The following CTNNA3 variants were observed in gnomAD, a reference collection of about 807,000 sequenced individuals.
CTNNA3 encodes catenin alpha-3.
CTNNA3 carries 76 observed loss-of-function variants against 95.7 expected under a neutral mutation model. The ratio of observed to expected loss-of-function variants is 0.79; its 90% CI spans 0.66 to 0.96. The LOEUF is 0.96. Ranked by LOEUF, CTNNA3 falls within the 40% of genes least tolerant of loss-of-function variation. CTNNA3 has a pLI of 0.00. For synonymous variants in CTNNA3, 431 were observed against 374.4 expected, an observed-to-expected ratio of 1.15 and a Z score of -1.74; for missense variants, 1,191 against 1,089.8, an observed-to-expected ratio of 1.09 and a Z score of -1.31.
At chr10:66,795,947 A>G (rs558230711) in intron 7 of CTNNA3, among the ~76,000 whole-genome samples, 200 of 151,732 alleles carry the variant, frequency 1.3e-3, no homozygotes, top group South Asian at 5.6e-3. Flanking sequence ...AAAATCAGAC[A>G]GTTAGGGCCT....
intron 1 of CTNNA3, among the ~76,000 whole-genome samples, chr10:67,736,664 G>A (rs1057188661): frequency 6.6e-6 from 1 of 151,658 alleles, no homozygotes; most frequent in African/African-American, 2.4e-5. Context: ...ACCGTGTTAG[G>A]CAGGATGGTC....
chr10:67,656,801 G>T (rs1840037345), intron 1 of CTNNA3, among the ~76,000 whole-genome samples: 2 of 152,110 alleles, frequency 1.3e-5, no homozygotes, highest in Admixed American at 1.3e-4. Context: ...ACAGCAAGGA[G>T]GCCAGTGTAA....
chr10:66,863,774 C>T (rs1916378), intron 7 of CTNNA3, among the ~76,000 whole-genome samples: 49,731 of 151,822 alleles, frequency 0.33, 9,600 homozygotes, highest in Non-Finnish European at 0.46. Context: ...AATTTAGCAA[C>T]AGGGTGTCTA....
intron 7 of CTNNA3, among the ~76,000 whole-genome samples, chr10:66,975,239 G>T (rs1475313055): frequency 6.6e-6 from 1 of 152,126 alleles, no homozygotes; most frequent in Non-Finnish European, 1.5e-5. Flanking sequence ...AAAATATACA[G>T]CTCTCATATT....
intron 9 of CTNNA3, among the ~76,000 whole-genome samples, chr10:66,667,301 T>G (rs535107047): frequency 9.6e-6 from 1 of 104,654 alleles, no homozygotes; most frequent in African/African-American, 4.2e-5. Flanking sequence ...TATTTTGGAA[T>G]GTAATACATT....
At chr10:66,460,484 G>C (rs1369178673) in intron 11 of CTNNA3, among the ~76,000 whole-genome samples, 4 of 152,080 alleles carry the variant, frequency 2.6e-5, no homozygotes, top group African/African-American at 9.7e-5. Context: ...CTTGGCTATG[G>C]GTAATCTAAA....
At chr10:66,515,933 T>C (rs532492573) in intron 11 of CTNNA3, among the ~76,000 whole-genome samples, 3 of 152,190 alleles carry the variant, frequency 2.0e-5, no homozygotes, top group South Asian at 4.1e-4. Flanking sequence ...TCAATCATTC[T>C]TCACAAGTAC....
chr10:66,119,742 A>G (rs2082494513), intron 13 of CTNNA3, among the ~76,000 whole-genome samples: 1 of 143,202 alleles, frequency 7.0e-6, no homozygotes, highest in East Asian at 2.0e-4. Flanking sequence ...CATGTATTCA[A>G]TCAATTTTTT....
rs146612016 is a variant in CTNNA3 at position 67,418,971 on chromosome 10, AAT to A, written c.579+102869_579+102870del. ...TATCATTCACATGATAAATATACAT[AAT>A]GTTTATTTGTCAATTAAAATAAATT... On this transcript the variant is annotated intron_variant, in intron 5 of 17. Coordinates refer to ENST00000433211, the MANE Select transcript of CTNNA3 (RefSeq NM_013266.4). Among the ~76,000 whole-genome samples, 3,755 of 152,280 alleles carry A rather than the reference AAT, an allele frequency of 0.025. 302 individuals carry two copies. In the East Asian group the frequency reaches 0.29, roughly 12 times the overall value.
At chr10:67,575,576 T>C (rs1368519919) in intron 3 of CTNNA3, among the ~76,000 whole-genome samples, 1 of 152,178 alleles carries the variant, frequency 6.6e-6, no homozygotes, top group Non-Finnish European at 1.5e-5. Context: ...ATTTCACATA[T>C]AGGAATTCAA....
At chr10:66,742,610 G>C (rs1849365608) in intron 9 of CTNNA3, among the ~76,000 whole-genome samples, 1 of 152,072 alleles carries the variant, frequency 6.6e-6, no homozygotes. Flanking sequence ...GTCTCCCCCG[G>C]ACACCCAGCT....
chr10:66,019,143 C>T (rs571295390), intron 15 of CTNNA3, among the ~76,000 whole-genome samples: 1 of 152,220 alleles, frequency 6.6e-6, no homozygotes, highest in Non-Finnish European at 1.5e-5. Context: ...TCATAATTAA[C>T]AATTACCACA....
intron 3 of CTNNA3, 93 bp downstream of exon 3, chr10:67,606,763 GA>G (rs1843287799): frequency 9.9e-7 from 1 of 1,009,852 alleles, no homozygotes; most frequent in Non-Finnish European, 1.5e-6. Flanking sequence ...TAAAAAACTG[GA>G]GCCAACAAAA....
intron 9 of CTNNA3, among the ~76,000 whole-genome samples, chr10:66,712,608 T>A (rs12765953): frequency 0.021 from 3,208 of 151,296 alleles, 146 homozygotes; most frequent in East Asian, 0.2. Context: ...TCTCTCTCTC[T>A]CACACACACA....
chr10:66,854,489 G>A (rs1461160950), intron 7 of CTNNA3, among the ~76,000 whole-genome samples: 2 of 151,854 alleles, frequency 1.3e-5, no homozygotes, highest in African/African-American at 2.4e-5. Context: ...ACAAATAACG[G>A]TGAGGTAAAA....
intron 9 of CTNNA3, among the ~76,000 whole-genome samples, chr10:66,692,625 C>T (rs1358580261): frequency 6.6e-6 from 1 of 152,124 alleles, no homozygotes; most frequent in African/African-American, 2.4e-5. Context: ...CACAAAGACA[C>T]TCCTCGAGAA....
chr10:67,201,583 C>T (rs775784073), intron 6 of CTNNA3, among the ~76,000 whole-genome samples: 10 of 152,066 alleles, frequency 6.6e-5, no homozygotes, highest in Non-Finnish European at 1.5e-5. Flanking sequence ...ATTCATTTAA[C>T]TTCAAGTGTT....
intron 17 of CTNNA3, among the ~76,000 whole-genome samples, chr10:65,928,244 T>C (rs1447090943): frequency 6.6e-6 from 1 of 152,186 alleles, no homozygotes; most frequent in Non-Finnish European, 1.5e-5. Flanking sequence ...TTAGTCAAAA[T>C]GATTTTCTTT....
chr10:66,926,899 T>A (rs780677944), intron 7 of CTNNA3: 2 of 1,538,794 alleles, frequency 1.3e-6, no homozygotes, highest in East Asian at 2.3e-5. Flanking sequence ...GGATAACTTT[T>A]CTAAGTTGTT....
Sources: gnomAD v4.1 joint callset for allele counts (sites outside exome capture counted in the v4.1 genomes callset) on GRCh38, gnomAD v4.1.1 for gene constraint, MANE v1.5 for transcripts, NCBI Gene and HGNC (gene_info 2026-07-23, HGNC 2026-07-21) for gene names.